KIF15: variants seen among roughly 807,000 people sequenced by gnomAD.
KIF15 encodes the protein kinesin-like protein KIF15.
Under a neutral mutation model 190.6 loss-of-function variants are expected in KIF15, and 140 were observed. The observed-to-expected ratio is 0.73, with a 90% CI of 0.64 to 0.84. KIF15 has a LOEUF of 0.84. KIF15 is among the 40% of genes least tolerant of loss of function. KIF15 has a pLI of 0.00. For synonymous variants in KIF15, 528 were observed against 551.3 expected (o/e 0.96, Z 0.59); for missense variants, 1,372 against 1,584.4 (o/e 0.87, Z 2.28).
intron 1 of KIF15, among the ~76,000 whole-genome samples, chr3:44,766,205 T>C (rs1036661073): frequency 4.6e-5 from 7 of 152,182 alleles, no homozygotes; most frequent in African/African-American, 1.7e-4. Flanking sequence ...TTAGGAGTTA[T>C]CTGTTTATGG....
At chr3:44,799,972 A>G (rs985486128) in intron 10 of KIF15, among the ~76,000 whole-genome samples, 4 of 152,052 alleles carry the variant, frequency 2.6e-5, no homozygotes, top group African/African-American at 9.7e-5. Context: ...GCTCTTCTCC[A>G]TTGGGAGGGT....
intron 20 of KIF15, among the ~76,000 whole-genome samples, chr3:44,819,526 T>C (rs906436078): frequency 2.0e-5 from 3 of 152,200 alleles, no homozygotes; most frequent in African/African-American, 7.2e-5. Context: ...CAGGAGCAAG[T>C]TGTTCAGTTT....
At chr3:44,802,128 T>TA (rs1707304907) in intron 13 of KIF15, among the ~76,000 whole-genome samples, 154 bp downstream of exon 13, 1 of 152,238 alleles carries the variant, frequency 6.6e-6, no homozygotes, top group Non-Finnish European at 1.5e-5. Flanking sequence ...CCTGTCTTTT[T>TA]AAAATAGTTA....
intron 26 of KIF15, 103 bp from the exon 27 acceptor site, chr3:44,838,172 A>G: frequency 1.6e-6 from 2 of 1,213,288 alleles, no homozygotes; most frequent in Non-Finnish European, 2.3e-6. Context: ...ATAGGTTTTT[A>G]CATAAAACTT....
At chr3:44,785,114 T>C (rs1315007257) in intron 6 of KIF15, among the ~76,000 whole-genome samples, 172 bp downstream of exon 6, 1 of 152,222 alleles carries the variant, frequency 6.6e-6, no homozygotes, top group African/African-American at 2.4e-5. Flanking sequence ...TTAAGGATTC[T>C]GAGTTGTTTT....
At chr3:44,852,591 C>A (rs1297130961) in intron 34 of KIF15, 82 bp from the exon 35 acceptor site, 9 of 1,028,622 alleles carry the variant, frequency 8.7e-6, no homozygotes, top group Admixed American at 2.5e-5. Context: ...GAAATATACA[C>A]CTAATAAATG....
intron 30 of KIF15, 144 bp from the exon 31 acceptor site, chr3:44,847,841 G>A (rs971430570): frequency 1.6e-6 from 1 of 606,190 alleles, no homozygotes; most frequent in African/African-American, 1.9e-5. Flanking sequence ...CAACTGTACT[G>A]ACTTGACCCA....
chr3:44,820,902 G>A (rs1402804663), intron 20 of KIF15, among the ~76,000 whole-genome samples: 1 of 152,120 alleles, frequency 6.6e-6, no homozygotes, highest in South Asian at 2.1e-4. Flanking sequence ...GGGCAGAGGG[G>A]CTCCTCACCT....
chr3:44,829,550 G>GCA (rs375446831), intron 24 of KIF15, among the ~76,000 whole-genome samples: 4 of 31,942 alleles, frequency 1.3e-4, no homozygotes, highest in African/African-American at 3.7e-4. Context: ...TATTATATAT[G>GCA]TATATATTAT....
intron 1 of KIF15, chr3:44,765,952 C>G (rs1705354333): frequency 6.4e-6 from 1 of 157,196 alleles, no homozygotes. Flanking sequence ...CCTGCCTCAG[C>G]CTCCCAAGTA....
downstream of KIF15, among the ~76,000 whole-genome samples, chr3:44,856,127 G>T (rs62242560): frequency 0.56 from 84,692 of 151,956 alleles, 24,199 homozygotes; most frequent in East Asian, 0.89. Flanking sequence ...AGGAATTATG[G>T]CGGACAAAAG....
chr3:44,773,225 A>T (rs1049193801), intron 1 of KIF15, among the ~76,000 whole-genome samples: 18 of 152,238 alleles, frequency 1.2e-4, no homozygotes, highest in African/African-American at 4.3e-4. Flanking sequence ...CAGGGCTTGA[A>T]AGATGCCTGA....
At chr3:44,780,621 A>C (rs1706118021) in intron 4 of KIF15, among the ~76,000 whole-genome samples, 1 of 152,192 alleles carries the variant, frequency 6.6e-6, no homozygotes, top group African/African-American at 2.4e-5. Flanking sequence ...CATCATCCCA[A>C]TTTTGGTAAA....
At chr3:44,795,294 G>A (rs886763964) in intron 8 of KIF15, among the ~76,000 whole-genome samples, 5 of 152,126 alleles carry the variant, frequency 3.3e-5, no homozygotes, top group Non-Finnish European at 7.4e-5. Flanking sequence ...CCTGGCAGGG[G>A]GGCATCTCAA....
chr3:44,830,919 T>G lies in KIF15; in HGVS notation c.3072T>G (p.Val1024=). ...AGTGCAAATACAACTCTGCTTTGGT[T>G]GACAGAGAAGAGAGCAGAGTGTTGA... ...DINCKYNSAL[V]DREESRVLIK... Residue 1024 remains valine, a synonymous_variant, in exon 26 of 35, where the codon GTT becomes GTG. Coordinates refer to ENST00000326047, the MANE Select transcript of KIF15 (RefSeq NM_020242.3). 6.2e-7 allele frequency: 1 copy of G among 1,613,978 alleles called. No homozygotes were observed. The highest frequency in any genetic ancestry group is 8.5e-7 in the Non-Finnish European group (1 of 1,179,978).
At chr3:44,791,083 A>G (rs1046910440) in intron 7 of KIF15, among the ~76,000 whole-genome samples, 9 of 151,858 alleles carry the variant, frequency 5.9e-5, no homozygotes, top group Admixed American at 5.9e-4. Flanking sequence ...ATTTATTTAC[A>G]TTACTATATG....
chr3:44,863,900 G>A (rs1364885369), intron 6 of KIF15: 4 of 391,596 alleles, frequency 1.0e-5, no homozygotes, highest in African/African-American at 6.0e-5. Context: ...ATAAGGGGCC[G>A]GTGTTCAGTA....
chr3:44,857,328 T>G (rs563426961), downstream of KIF15, among the ~76,000 whole-genome samples: 1 of 152,104 alleles, frequency 6.6e-6, no homozygotes, highest in East Asian at 1.9e-4. Flanking sequence ...CTGTAGAAAG[T>G]GAGTTGAGCA....
chr3:44,794,669 G>A (rs1437429840), intron 8 of KIF15, among the ~76,000 whole-genome samples: 1 of 151,998 alleles, frequency 6.6e-6, no homozygotes, highest in Non-Finnish European at 1.5e-5. Context: ...TTCTTAAAAT[G>A]TACCCCTGTT....
Sources: allele counts gnomAD v4.1 joint callset (sites outside exome capture counted in the v4.1 genomes callset), GRCh38; gene constraint gnomAD v4.1.1; transcripts MANE v1.5; gene names NCBI Gene and HGNC (gene_info 2026-07-23, HGNC 2026-07-21).